OPRM1: variants seen among roughly 807,000 people sequenced by gnomAD.
OPRM1 encodes the protein opioid receptor mu 1, also known as mu-type opioid receptor.
In OPRM1, 27 loss-of-function variants were observed where a neutral mutation model predicts 31.8. The ratio of observed to expected loss-of-function variants is 0.85; its 90% CI spans 0.63 to 1.17. OPRM1 has a LOEUF of 1.17. OPRM1 is among the 50% of genes most tolerant of loss of function. The pLI is 0.00. For missense variants in OPRM1, 536 were observed against 511.1 expected (o/e 1.05, Z -0.47); for synonymous variants, 196 against 189.9 (o/e 1.03, Z -0.26).
chr6:154,132,993 C>T (rs141758475), downstream of OPRM1, among the ~76,000 whole-genome samples: 1,766 of 152,048 alleles, frequency 0.012, 34 homozygotes, highest in African/African-American at 0.041. Flanking sequence ...TGGTGGCAGG[C>T]ACCTGTAGCC....
In OPRM1 at chr6:154,181,513, T is replaced by C. The variant is rs554853600; in HGVS notation, c.1165-65180T>C. On this transcript the variant is annotated intron_variant, in intron 3 of 3. Transcript: ENST00000337049. The stretch of plus-strand genomic sequence containing the variant: ...AGCTATACTATGCTATGAATATATA[T>C]ATTTGATGCGTTCTTTTGAATGAAA... 2.6e-5 allele frequency among the ~76,000 whole-genome samples: 4 copies of C among 152,354 alleles called. No individual in the cohort carries two copies. In the South Asian group the frequency reaches 6.2e-4, roughly 24 times the overall value.
chr6:154,099,448 GAA>G (rs1231197283), intron 3 of OPRM1, among the ~76,000 whole-genome samples: 36 of 77,934 alleles, frequency 4.6e-4, no homozygotes, highest in African/African-American at 9.3e-4. Context: ...GAGGAAGAAA[GAA>G]AGAGAGAAAG....
intron 3 of OPRM1, chr6:154,214,113 T>G (rs1478413419): frequency 3.9e-6 from 3 of 770,666 alleles, no homozygotes; most frequent in African/African-American, 3.4e-5. Context: ...AAAGCATGTT[T>G]CCTCAGGATC....
intron 3 of OPRM1, among the ~76,000 whole-genome samples, chr6:154,200,368 C>T (rs1357662822): frequency 2.0e-5 from 3 of 152,078 alleles, no homozygotes; most frequent in Non-Finnish European, 2.9e-5. Flanking sequence ...ACACTTTGAG[C>T]AAAATATAAT....
At chr6:154,012,634 C>T (rs528384932) in intron 1 of OPRM1, among the ~76,000 whole-genome samples, 6 of 152,082 alleles carry the variant, frequency 3.9e-5, no homozygotes, top group Non-Finnish European at 8.8e-5. Context: ...TATTCATTTT[C>T]AGCAATGTTC....
intron 3 of OPRM1, among the ~76,000 whole-genome samples, chr6:154,154,333 C>A (rs181910823): frequency 6.6e-6 from 1 of 152,180 alleles, no homozygotes; most frequent in East Asian, 1.9e-4. Context: ...TTTAAAAATT[C>A]TTTAAACAAA....
At position 154,119,491 on chromosome 6, in the gene OPRM1, TTTAAG is replaced by T. The variant is rs1406225147; in HGVS notation, c.*772_*776del. On this transcript the variant is annotated 3_prime_UTR_variant, in exon 4 of 4. Transcript: ENST00000330432. ...TAAATGTGCAATTTTCTTGCTCCTA[TTTAAG>T]TGTTCACAAAAGGTAATAGTCAATG... is the stretch of plus-strand genomic sequence containing the variant. 1.2e-4 allele frequency: 118 copies of T among 971,584 alleles called. No individual in the cohort carries two copies. Among genetic ancestry groups the T allele is most frequent in the Non-Finnish European group, 1.4e-4 (114 of 817,436 alleles). The allele number at this position is 971,584 out of a possible 1,614,324, so 60.2% of individuals were successfully genotyped here.
chr6:154,205,746 AG>A (rs1777441906), intron 3 of OPRM1, among the ~76,000 whole-genome samples: 1 of 152,242 alleles, frequency 6.6e-6, no homozygotes, highest in Admixed American at 6.5e-5. Context: ...AACTGCAATT[AG>A]GACAAGGTGC....
chr6:154,191,969 G>GA (rs1039230572), intron 3 of OPRM1, among the ~76,000 whole-genome samples: 2 of 149,660 alleles, frequency 1.3e-5, no homozygotes, highest in East Asian at 1.9e-4. Flanking sequence ...GCCCACAACT[G>GA]AAAAAAAAAG....
At chr6:154,140,572 C>T (rs1044008851) in intron 3 of OPRM1, among the ~76,000 whole-genome samples, 10 of 152,176 alleles carry the variant, frequency 6.6e-5, no homozygotes, top group East Asian at 5.8e-4. Context: ...TCAGGTGATC[C>T]GCCCGCCTCA....
At chr6:154,099,951 CAT>C (rs1491420395) in intron 3 of OPRM1, among the ~76,000 whole-genome samples, 5 of 136,324 alleles carry the variant, frequency 3.7e-5, no homozygotes, top group South Asian at 2.3e-4. Flanking sequence ...TATATCATAA[CAT>C]ATATATTATC....
chr6:154,208,452 A>C (rs527650349), intron 3 of OPRM1, among the ~76,000 whole-genome samples: 34 of 152,000 alleles, frequency 2.2e-4, no homozygotes, highest in Middle Eastern at 3.4e-3. Context: ...TCACATCCTG[A>C]CTCACTGGAC....
intron 3 of OPRM1, among the ~76,000 whole-genome samples, chr6:154,152,327 G>GAGAAAGAAAGA (rs1562510505): frequency 1.4e-4 from 4 of 28,646 alleles, no homozygotes; most frequent in Non-Finnish European, 2.1e-4. Context: ...AAGAAAGAAA[G>GAGAAAGAAAGA]AAAGAAAGAA....
At chr6:154,113,564 A>T (rs1583601481) in intron 3 of OPRM1, among the ~76,000 whole-genome samples, 1 of 152,160 alleles carries the variant, frequency 6.6e-6, no homozygotes, top group East Asian at 1.9e-4. Flanking sequence ...CCATAGCATG[A>T]CTCAAGGGCA....
At chr6:154,044,998 G>C (rs1221717203) in intron 1 of OPRM1, among the ~76,000 whole-genome samples, 2 of 150,842 alleles carry the variant, frequency 1.3e-5, no homozygotes, top group African/African-American at 4.9e-5. Context: ...GCTGAGGCAG[G>C]TGGATCACCT....
rs1797729667 is a variant in OPRM1 at position 154,128,781 on chromosome 6, G to C, written c.*10060G>C. On this transcript the variant is annotated 3_prime_UTR_variant, in exon 4 of 4. Coordinates refer to ENST00000330432, the MANE Select transcript of OPRM1 (RefSeq NM_000914.5). The stretch of plus-strand genomic sequence containing the variant: ...TGGAGAGCTGAAGGTCTGATAAATG[G>C]GAACTGCCAGGTAATAGCTATGCTA... 2.0e-5 allele frequency among the ~76,000 whole-genome samples: 3 copies of C among 152,142 alleles called. No homozygotes were observed. The South Asian group carries it at 6.2e-4, about 32-fold the overall frequency.
At chr6:154,139,535 T>C (rs1446254593) in intron 3 of OPRM1, among the ~76,000 whole-genome samples, 2 of 152,192 alleles carry the variant, frequency 1.3e-5, no homozygotes, top group East Asian at 1.9e-4. Context: ...GATGGAGCAA[T>C]CAACAAAAAC....
At chr6:154,144,769 AAAAG>A (rs1195881097) in intron 3 of OPRM1, among the ~76,000 whole-genome samples, 6 of 151,352 alleles carry the variant, frequency 4.0e-5, no homozygotes, top group Non-Finnish European at 5.9e-5. Context: ...AAAAAAAAAA[AAAAG>A]AATTATACAC....
At chr6:154,028,847 T>C (rs1778848938) in intron 1 of OPRM1, among the ~76,000 whole-genome samples, 1 of 152,120 alleles carries the variant, frequency 6.6e-6, no homozygotes, top group Non-Finnish European at 1.5e-5. Flanking sequence ...GGAGGAATGG[T>C]GTTGGTGATT....
Sources: allele counts gnomAD v4.1 joint callset (sites outside exome capture counted in the v4.1 genomes callset), GRCh38; gene constraint gnomAD v4.1.1; transcripts MANE v1.5; gene names NCBI Gene and HGNC (gene_info 2026-07-23, HGNC 2026-07-21).